PCDH9: variants seen among roughly 807,000 people sequenced by gnomAD.
PCDH9 encodes protocadherin 9.
In PCDH9, 24 loss-of-function variants were observed where a neutral mutation model predicts 70.6. The ratio of observed to expected loss-of-function variants is 0.34; its 90% CI spans 0.25 to 0.48. The LOEUF (loss-of-function observed/expected upper bound fraction) is 0.48, where lower values mean the gene tolerates loss of function less well. Ranked by LOEUF, PCDH9 falls within the 20% of genes least tolerant of loss-of-function variation. The pLI is 0.99. For synonymous variants in PCDH9, 562 were observed against 558.5 expected (o/e 1.01, Z -0.09); for missense variants, 1,281 against 1,503.6 (o/e 0.85, Z 2.45).
chr13:66,734,198 T>G (rs1369408459), intron 3 of PCDH9, among the ~76,000 whole-genome samples: 1 of 152,204 alleles, frequency 6.6e-6, no homozygotes, highest in Non-Finnish European at 1.5e-5. Context: ...TAATCAGTTA[T>G]GCCTACATAA....
intron 4 of PCDH9, among the ~76,000 whole-genome samples, chr13:66,550,231 A>C (rs1237441056): frequency 6.6e-6 from 1 of 152,106 alleles, no homozygotes; most frequent in Non-Finnish European, 1.5e-5. Context: ...TTCAGGAATA[A>C]ATTCAAGTAA....
At chr13:66,843,964 C>T (rs534303591) in intron 3 of PCDH9, among the ~76,000 whole-genome samples, 181 of 152,134 alleles carry the variant, frequency 1.2e-3, no homozygotes, top group African/African-American at 4.3e-3. Context: ...CATGATGGAA[C>T]GAGTAGACCT....
chr13:66,989,449 A>T (rs1249719727), intron 2 of PCDH9, among the ~76,000 whole-genome samples: 2 of 151,964 alleles, frequency 1.3e-5, no homozygotes, highest in African/African-American at 4.8e-5. Context: ...TCCTATGCTC[A>T]TACAAATACA....
At chr13:66,634,434 G>T (rs1454888928) in intron 3 of PCDH9, among the ~76,000 whole-genome samples, 3 of 152,184 alleles carry the variant, frequency 2.0e-5, no homozygotes, top group African/African-American at 7.2e-5. Context: ...CCAATAAGGT[G>T]TAGGAGACAA....
intron 2 of PCDH9, among the ~76,000 whole-genome samples, chr13:66,947,379 AT>A (rs1255216745): frequency 6.6e-6 from 1 of 152,174 alleles, no homozygotes; most frequent in African/African-American, 2.4e-5. Context: ...ACTGTAAAAA[AT>A]AATCTTTTCT....
At chr13:66,852,705 A>C (rs774081128) in intron 3 of PCDH9, among the ~76,000 whole-genome samples, 7 of 152,186 alleles carry the variant, frequency 4.6e-5, no homozygotes, top group Non-Finnish European at 1.0e-4. Context: ...TTGTAAGTAA[A>C]GTTTCTTTGG....
At chr13:66,535,580 T>G (rs1007860831) in intron 4 of PCDH9, among the ~76,000 whole-genome samples, 3 of 152,070 alleles carry the variant, frequency 2.0e-5, no homozygotes, top group Non-Finnish European at 4.4e-5. Flanking sequence ...TATCAATTTG[T>G]TTTGAATTGC....
intron 4 of PCDH9, among the ~76,000 whole-genome samples, chr13:66,367,601 A>T (rs957333335): frequency 6.6e-6 from 1 of 152,150 alleles, no homozygotes; most frequent in Non-Finnish European, 1.5e-5. Flanking sequence ...GAGGAAAAAA[A>T]CAAAAAGGTT....
At chr13:67,002,862 C>T (rs969155099) in intron 2 of PCDH9, among the ~76,000 whole-genome samples, 1 of 151,926 alleles carries the variant, frequency 6.6e-6, no homozygotes, top group Non-Finnish European at 1.5e-5. Context: ...ATCAGGCTAT[C>T]TGATCTAGTT....
chr13:66,376,991 A>G (rs893899986), intron 4 of PCDH9, among the ~76,000 whole-genome samples: 4 of 152,236 alleles, frequency 2.6e-5, no homozygotes, highest in African/African-American at 9.6e-5. Flanking sequence ...AATAATAAAA[A>G]AATCTGTGCT....
chr13:66,558,932 G>A (rs1486713527), intron 4 of PCDH9, among the ~76,000 whole-genome samples: 2 of 152,152 alleles, frequency 1.3e-5, no homozygotes, highest in Non-Finnish European at 2.9e-5. Context: ...CGTCAATGAA[G>A]TGAGACATAA....
chr13:66,624,375 T>C (rs1476353108), intron 4 of PCDH9, among the ~76,000 whole-genome samples: 4 of 152,212 alleles, frequency 2.6e-5, no homozygotes, highest in African/African-American at 9.6e-5. Context: ...GAATAAATCT[T>C]CCCCTGCAGT....
intron 2 of PCDH9, among the ~76,000 whole-genome samples, chr13:66,935,634 T>A (rs931436509): frequency 6.6e-6 from 1 of 152,164 alleles, no homozygotes; most frequent in Admixed American, 6.5e-5. Context: ...TGCATTTTTT[T>A]ATTACAAAAT....
chr13:66,337,991 C>A (rs1226331535), intron 4 of PCDH9, among the ~76,000 whole-genome samples: 2 of 152,052 alleles, frequency 1.3e-5, no homozygotes, highest in Non-Finnish European at 2.9e-5. Flanking sequence ...CTTCTCTTCT[C>A]CATTGAGATC....
chr13:67,144,514 G>T (rs7997567), intron 2 of PCDH9, among the ~76,000 whole-genome samples: 1 of 152,056 alleles, frequency 6.6e-6, no homozygotes, highest in Non-Finnish European at 1.5e-5. Flanking sequence ...AATAGCTATC[G>T]TTCTGGGAAC....
At chr13:66,305,117 G>T in intron 4 of PCDH9, 89 bp from the exon 5 acceptor site, 3 of 1,149,182 alleles carry the variant, frequency 2.6e-6, no homozygotes, top group Non-Finnish European at 3.6e-6. Flanking sequence ...TGTTATTAGT[G>T]ATCTTATTTT....
At chr13:66,777,537 C>T (rs1415162455) in intron 3 of PCDH9, among the ~76,000 whole-genome samples, 3 of 152,094 alleles carry the variant, frequency 2.0e-5, no homozygotes, top group Non-Finnish European at 2.9e-5. Context: ...AAAATGCTCA[C>T]CATCACTGGC....
At chr13:66,593,569 C>T (rs1399695505) in intron 4 of PCDH9, among the ~76,000 whole-genome samples, 1 of 151,548 alleles carries the variant, frequency 6.6e-6, no homozygotes, top group Non-Finnish European at 1.5e-5. Flanking sequence ...CATTAAAATA[C>T]CTCGTGGTTT....
intron 3 of PCDH9, among the ~76,000 whole-genome samples, chr13:66,767,147 T>G (rs116750533): frequency 0.019 from 2,906 of 152,046 alleles, 108 homozygotes; most frequent in African/African-American, 0.066. Flanking sequence ...CTGAAGAGGA[T>G]ATCACAGAGA....
Sources: gnomAD v4.1 joint callset for allele counts (sites outside exome capture counted in the v4.1 genomes callset) on GRCh38, gnomAD v4.1.1 for gene constraint, MANE v1.5 for transcripts, NCBI Gene and HGNC (gene_info 2026-07-23, HGNC 2026-07-21) for gene names.